SON: variants seen among roughly 807,000 people sequenced by gnomAD.
The protein encoded by SON is SON DNA and RNA binding protein, also known as protein SON.
SON carries 4 observed loss-of-function variants against 173.3 expected under a neutral mutation model. The observed-to-expected ratio is 0.02, with a 90% CI of 0.01 to 0.05. The LOEUF is 0.05. Among genes scored for constraint, SON ranks in the 10% least tolerant of loss-of-function variants. The probability of loss-of-function intolerance (pLI) is 1.00; values close to 1 mark genes in which losing one functional copy is unlikely to be tolerated. For missense variants in SON, 2,626 were observed against 3,055.3 expected, an observed-to-expected ratio of 0.86 and a Z score of 3.31; for synonymous variants, 1,190 against 1,105.9, an observed-to-expected ratio of 1.08 and a Z score of -1.51.
chr21:33,567,875 T>C (rs1053886183), intron 7 of SON, among the ~76,000 whole-genome samples: 13 of 152,066 alleles, frequency 8.5e-5, no homozygotes, highest in African/African-American at 3.1e-4. Flanking sequence ...ATCGCGCCAC[T>C]GTACTCCAGC....
chr21:33,562,008 T>G (rs998990663), intron 6 of SON, among the ~76,000 whole-genome samples: 2 of 152,160 alleles, frequency 1.3e-5, no homozygotes, highest in Non-Finnish European at 2.9e-5. Context: ...ACATACAGAT[T>G]AATTCTAAAG....
rs367869896 is a variant in SON, at chr21:33,543,086, G to A, written c.-7G>A. ...CGAGGAGGAGTTGAGAGAACGGAGC[G>A]GACGCCATGGCGACCAACATCGAGC... On this transcript the variant is annotated 5_prime_UTR_variant, in exon 1 of 12. Coordinates refer to ENST00000356577, the MANE Select transcript of SON (RefSeq NM_138927.4). 30 of 1,613,962 alleles carry A rather than the reference G, an allele frequency of 1.9e-5. No individual in the cohort carries two copies. The highest frequency in any genetic ancestry group is 6.7e-5 in the East Asian group (3 of 44,898).
At position 33,576,635 on chromosome 21, in the gene SON, T is replaced by C. The variant is rs2086408287; in HGVS notation, c.*211T>C. The stretch of plus-strand genomic sequence containing the variant: ...ACTCTGCATCACAATGTATTTCCTC[T>C]TTAATGTTGTAAATATTTGGCAATT... On this transcript the variant is annotated 3_prime_UTR_variant, in exon 12 of 12. Coordinates refer to ENST00000356577, the MANE Select transcript of SON (RefSeq NM_138927.4). The C allele has an allele frequency of 1.5e-6, 1 of 666,084 alleles. No individual in the cohort carries two copies. Among genetic ancestry groups the C allele is most frequent in the Non-Finnish European group, 2.8e-6 (1 of 354,494 alleles). 41.3% of individuals were successfully genotyped at this position (666,084 alleles called of 1,614,324 possible). A position where few individuals can be genotyped will look rare whatever the true frequency, so the allele number is the denominator to read the frequency against.
intron 1 of SON, among the ~76,000 whole-genome samples, chr21:33,545,382 T>A (rs1302037449): frequency 1.3e-5 from 2 of 152,222 alleles, no homozygotes; most frequent in Non-Finnish European, 2.9e-5. Context: ...CAGACTTTTA[T>A]CAGGTAGTGG....
Position 33,551,282 on chromosome 21 carries a change from A to T in SON, c.2051A>T (p.Tyr684Phe). 1 of 1,614,144 alleles carries T rather than the reference A, an allele frequency of 6.2e-7. No individual in the cohort carries two copies. The highest frequency in any genetic ancestry group is 2.2e-5 in the East Asian group (1 of 44,886). The change falls in exon 3 of 12, where the codon TAT (tyrosine) becomes TTT (phenylalanine). Residue 684 changes from tyrosine (Y) to phenylalanine (F), a missense_variant. Tyr to Phe is a conservative substitution (Grantham distance 22). This residue lies in a region of SON where 182 missense variants were observed against 193.6 expected (regional missense o/e 0.94). Transcript: ENST00000356577. ...EVPSTTALES[Y>F]NTVAQELPTT... ...CCCTCGACGACAGCGCTGGAATCCT[A>T]TAATACGGTAGCACAGGAGCTGCCT...
intron 2 of SON, chr21:33,546,963 T>C (rs2085632625): frequency 6.6e-6 from 1 of 152,166 alleles, no homozygotes; most frequent in South Asian, 2.1e-4. Flanking sequence ...ATTCAGTTTC[T>C]TTTTCTTTTC....
intron 2 of SON, among the ~76,000 whole-genome samples, chr21:33,547,705 C>CTTTTTTTTTTT (rs928851742): frequency 9.9e-5 from 7 of 71,026 alleles, no homozygotes; most frequent in Non-Finnish European, 1.4e-4. Flanking sequence ...CTTCTGTAGT[C>CTTTTTTTTTTT]TTTTTTTTTT....
In SON at chr21:33,554,778, G is replaced by A. The variant is rs769545742; in HGVS notation, c.5547G>A (p.Lys1849=). Reference sequence around the variant, plus strand: ...GTGAATCTCGTTCTAGGGCAAGAAAGAGATCATCTAAGTCCAAGTCTCATC... The same window carrying A: ...GTGAATCTCGTTCTAGGGCAAGAAAAAGATCATCTAAGTCCAAGTCTCATC... ...RTSESRSRAR[K]RSSKSKSHRS... is the part of the protein sequence containing the mutation. Residue 1849 remains lysine, a synonymous_variant, in exon 3 of 12, where the codon AAG becomes AAA. Transcript: ENST00000356577. 1.9e-6 allele frequency: 3 copies of A among 1,613,924 alleles called. No individual in the cohort carries two copies. In the Admixed American group the frequency reaches 5.0e-5, roughly 27 times the overall value.
intron 6 of SON, chr21:33,560,726 G>A: frequency 1.9e-6 from 1 of 528,890 alleles, no homozygotes; most frequent in Non-Finnish European, 2.4e-6. Context: ...ATAGGGGGGT[G>A]GGAGTTTTAA....
Position 33,559,052 on chromosome 21 carries a change from C to A in SON, c.6322-178C>A. 2.9e-6 allele frequency: 1 copy of A among 342,956 alleles called. No individual in the cohort carries two copies. The highest frequency in any genetic ancestry group is 4.9e-5 in the Admixed American group (1 of 20,218). 21.2% of individuals were successfully genotyped at this position (342,956 alleles called of 1,614,324 possible). On this transcript the variant is annotated intron_variant, in intron 4 of 11. Coordinates refer to ENST00000356577, the MANE Select transcript of SON (RefSeq NM_138927.4). The surrounding 1 kb of genome is among the most constrained non-coding windows in gnomAD (Gnocchi z 4.1). The stretch of plus-strand genomic sequence containing the variant: ...GTAGGTGCTCAATAAATGTTGTTGA[C>A]TGACTGACCAGCCAGAGTGTGTTTA...
Position 33,551,422 on chromosome 21 carries a change from A to C in SON, c.2191A>C (p.Met731Leu). The part of the protein sequence containing the change: ...METHILASNT[M>L]DSQMLASNTM... ...GACCCATATATTAGCATCCAACACC[A>C]TGGACTCCCAAATGCTAGCGTCCAA... The change falls in exon 3 of 12, where the codon ATG becomes CTG. Residue 731 changes from methionine to leucine, a missense_variant. Physicochemically the swap from Met to Leu is conservative, Grantham distance 15. This residue lies in a region of SON where 182 missense variants were observed against 193.6 expected (regional missense o/e 0.94). Coordinates refer to ENST00000356577, the MANE Select transcript of SON (RefSeq NM_138927.4). 6.2e-7 allele frequency: 1 copy of C among 1,614,072 alleles called. No individual in the cohort carries two copies. The highest frequency in any genetic ancestry group is 8.5e-7 in the Non-Finnish European group (1 of 1,179,960).
chr21:33,573,524 AC>A, intron 9 of SON, 69 bp downstream of exon 9: 1 of 1,362,538 alleles, frequency 7.3e-7, no homozygotes, highest in Non-Finnish European at 1.0e-6. Flanking sequence ...ATCCTTTTGA[AC>A]CCAGTGATAC....
Position 33,547,191 on chromosome 21 carries a change from GTGGTC to G in SON, c.244+819_244+823del, listed in dbSNP as rs368756463. On this transcript the variant is annotated intron_variant, in intron 2 of 11. Transcript: ENST00000356577. ...ACGGGGTTTCACCGTGTTGGCCAGG[GTGGTC>G]TGGTCTCGATCTCTTGACCTCATGA... Among the ~76,000 whole-genome samples the G allele has an allele frequency of 2.7e-3, 416 of 151,924 alleles. 1 individual carries two copies. The highest frequency in any genetic ancestry group is 0.01 in the Middle Eastern group (3 of 292).
At position 33,575,910 on chromosome 21, in the gene SON, G is replaced by A; in HGVS notation, c.7221+17G>A. The A allele has an allele frequency of 2.5e-6, 3 of 1,200,552 alleles. No homozygotes were observed. Among genetic ancestry groups the A allele is most frequent in the South Asian group, 2.6e-5 (2 of 76,446 alleles). 74.4% of individuals were successfully genotyped at this position (1,200,552 alleles called of 1,614,324 possible). ...CTCTTTAGGGTAAATATGAATTTCT[G>A]CATTAATTATATATATTTATTAATG... On this transcript the variant is annotated intron_variant, in intron 11 of 11. Coordinates refer to ENST00000356577, the MANE Select transcript of SON (RefSeq NM_138927.4).
intron 6 of SON, among the ~76,000 whole-genome samples, chr21:33,563,854 G>T (rs1375308671): frequency 6.6e-6 from 1 of 152,126 alleles, no homozygotes; most frequent in Non-Finnish European, 1.5e-5. Context: ...AGAAGTAGTT[G>T]TCTGCTTTCT....
At chr21:33,555,436 T>G (rs1187179723) in intron 3 of SON, 45 bp downstream of exon 3, 2 of 1,450,658 alleles carry the variant, frequency 1.4e-6, no homozygotes, top group Non-Finnish European at 1.8e-6. Context: ...GAAAATGTTT[T>G]AAACCTTAAT....
intron 6 of SON, among the ~76,000 whole-genome samples, chr21:33,566,566 A>G (rs2086177221): frequency 6.6e-6 from 1 of 152,100 alleles, no homozygotes; most frequent in South Asian, 2.1e-4. Context: ...AAGTGTGTAT[A>G]AACTGAAAAC....
chr21:33,543,450 C>G, intron 1 of SON: 1 of 464,478 alleles, frequency 2.2e-6, no homozygotes, highest in Non-Finnish European at 3.9e-6. Flanking sequence ...GTCCCCCCTG[C>G]CGTTTAGCTA....
At chr21:33,562,015 A>G (rs1569063511) in intron 6 of SON, among the ~76,000 whole-genome samples, 1 of 152,122 alleles carries the variant, frequency 6.6e-6, no homozygotes, top group African/African-American at 2.4e-5. Context: ...GATTAATTCT[A>G]AAGAAGAGAA....
Sources: allele counts gnomAD v4.1 joint callset (sites outside exome capture counted in the v4.1 genomes callset), GRCh38; gene constraint gnomAD v4.1.1; regional missense constraint gnomAD v4.1.1; non-coding constraint Gnocchi (gnomAD v3.1); transcripts MANE v1.5; gene names NCBI Gene and HGNC (gene_info 2026-07-23, HGNC 2026-07-21).